DTNB: variants seen among roughly 807,000 people sequenced by gnomAD.
DTNB encodes DTN-B.
A neutral mutation model predicts 90.7 loss-of-function variants in DTNB; 63 were observed. The ratio of observed to expected loss-of-function variants is 0.69; its 90% CI spans 0.57 to 0.86. DTNB has a LOEUF of 0.86. DTNB is among the 40% of genes least tolerant of loss of function. The probability of loss-of-function intolerance (pLI) is 0.00; values close to 1 mark genes in which losing one functional copy is unlikely to be tolerated. For synonymous variants in DTNB, 277 were observed against 286.7 expected, an observed-to-expected ratio of 0.97 and a Z score of 0.34; for missense variants, 744 against 807.1, an observed-to-expected ratio of 0.92 and a Z score of 0.95.
At chr2:25,508,533 C>CTT (rs557156231) in intron 9 of DTNB, among the ~76,000 whole-genome samples, 4 of 112,698 alleles carry the variant, frequency 3.5e-5, no homozygotes, top group African/African-American at 8.5e-5. Context: ...GAGTTTCGCT[C>CTT]TTTGTTTTTT....
intron 9 of DTNB, among the ~76,000 whole-genome samples, chr2:25,526,395 A>ATATATATATATATTTTTTTTT: frequency 8.0e-5 from 4 of 49,824 alleles, no homozygotes; most frequent in African/African-American, 3.9e-4. Context: ...ATATATATAT[A>ATATATATATATATTTTTTTTT]TTTTTTTTTT....
At chr2:25,587,140 T>C (rs1396752644) in intron 6 of DTNB, among the ~76,000 whole-genome samples, 1 of 152,150 alleles carries the variant, frequency 6.6e-6, no homozygotes, top group Admixed American at 6.5e-5. Flanking sequence ...TAGACTGTGG[T>C]TCGACTGCTG....
intron 4 of DTNB, among the ~76,000 whole-genome samples, chr2:25,612,344 A>G: frequency 6.6e-6 from 1 of 152,140 alleles, no homozygotes; most frequent in South Asian, 2.1e-4. Context: ...GCATATGTAT[A>G]AACTATATGT....
At position 25,392,266 on chromosome 2, in the gene DTNB, A is replaced by G. The variant is rs1023393133; in HGVS notation, c.1576-3905T>C. Among the ~76,000 whole-genome samples, 5 of 151,998 alleles carry G rather than the reference A, an allele frequency of 3.3e-5. No homozygotes were observed. The East Asian group carries it at 7.7e-4, about 23-fold the overall frequency. On this transcript the variant is annotated intron_variant, in intron 16 of 20. Coordinates refer to ENST00000406818, the MANE Select transcript of DTNB (RefSeq NM_021907.5). ...TCCACTGAAAAAAACAAAAATTAAC[A>G]GGGTGTGGTGGCACGCACCTGTAAT... is the stretch of plus-strand genomic sequence containing the variant.
chr2:25,582,263 C>A (rs2061666805), intron 6 of DTNB, among the ~76,000 whole-genome samples: 1 of 151,926 alleles, frequency 6.6e-6, no homozygotes, highest in Non-Finnish European at 1.5e-5. Context: ...GGACGGAGGC[C>A]CCCAGGGATG....
At chr2:25,432,840 T>C (rs1558502324) in intron 14 of DTNB, 46 bp downstream of exon 14, 2 of 1,540,198 alleles carry the variant, frequency 1.3e-6, no homozygotes, top group Admixed American at 1.9e-5. Flanking sequence ...ATAAGTTCCA[T>C]CCATAGTAGA....
At position 25,531,331 on chromosome 2, in the gene DTNB, G is replaced by A. The variant is rs180671473; in HGVS notation, c.1001+142C>T. 2,868 of 1,315,154 alleles carry A rather than the reference G, an allele frequency of 2.2e-3. 15 individuals carry two copies. The highest frequency in any genetic ancestry group is 3.0e-3 in the Middle Eastern group (11 of 3,690). 81.5% of individuals were successfully genotyped at this position (1,315,154 alleles called of 1,614,324 possible). A position where few individuals can be genotyped will look rare whatever the true frequency, so the allele number is the denominator to read the frequency against. On this transcript the variant is annotated intron_variant, in intron 9 of 20. Coordinates refer to ENST00000406818, the MANE Select transcript of DTNB (RefSeq NM_021907.5). ...CGGTGATTTACAGAGAAGAAAGCTT[G>A]AAGTCTTAAGTTCCCACAAAAGAAA...
intron 8 of DTNB, among the ~76,000 whole-genome samples, chr2:25,554,208 A>G (rs1225432019): frequency 6.6e-6 from 1 of 152,230 alleles, no homozygotes; most frequent in Non-Finnish European, 1.5e-5. Context: ...GCTGTCATCA[A>G]TTTAGCCTGG....
intron 8 of DTNB, among the ~76,000 whole-genome samples, chr2:25,534,777 C>CT (rs1412164706): frequency 6.8e-6 from 1 of 146,684 alleles, no homozygotes; most frequent in African/African-American, 2.5e-5. Flanking sequence ...ACCTCCCAGA[C>CT]AGGGTGGCCG....
intron 8 of DTNB, among the ~76,000 whole-genome samples, chr2:25,533,742 C>T (rs2078737301): frequency 1.3e-5 from 2 of 152,166 alleles, no homozygotes; most frequent in Non-Finnish European, 2.9e-5. Context: ...CCCAGGTCTC[C>T]CTTTCCCAAT....
chr2:25,429,055 A>T (rs775791231), intron 14 of DTNB, among the ~76,000 whole-genome samples: 128 of 152,330 alleles, frequency 8.4e-4, no homozygotes, highest in Non-Finnish European at 1.5e-3. Flanking sequence ...CTATCACAGC[A>T]GCCGCTAGCC....
intron 16 of DTNB, among the ~76,000 whole-genome samples, chr2:25,389,928 T>C (rs1216063039): frequency 1.3e-5 from 2 of 151,912 alleles, no homozygotes; most frequent in African/African-American, 2.4e-5. Context: ...AACTAAAAAG[T>C]ACAACATAAT....
chr2:25,387,993 G>C lies in DTNB; in HGVS notation c.1735+209C>G, dbSNP rs1478096301. Among the ~76,000 whole-genome samples, 2 of 152,242 alleles carry C rather than the reference G, an allele frequency of 1.3e-5. No homozygotes were observed. Among genetic ancestry groups the C allele is most frequent in the Non-Finnish European group, 2.9e-5 (2 of 68,044 alleles). ...AGAGAACCCCAGGAGGCCTGTTCTT[G>C]GCACACATAGGAAGCCTGCAGCCCT... On this transcript the variant is annotated intron_variant, in intron 17 of 20. Coordinates refer to ENST00000406818, the MANE Select transcript of DTNB (RefSeq NM_021907.5). This position sits in a 1 kb window ranked among gnomAD's most constrained non-coding sequence, Gnocchi z 4.5.
At chr2:25,443,798 A>AAAGCC (rs1188963305) in intron 12 of DTNB, among the ~76,000 whole-genome samples, 4 of 152,262 alleles carry the variant, frequency 2.6e-5, no homozygotes, top group African/African-American at 9.6e-5. Context: ...GGTCTGAGGC[A>AAAGCC]AAGCCAAGGA....
At chr2:25,623,018 C>T (rs2073151629) in intron 4 of DTNB, among the ~76,000 whole-genome samples, 1 of 151,704 alleles carries the variant, frequency 6.6e-6, no homozygotes, top group Admixed American at 6.6e-5. Flanking sequence ...CAAAAGGAAA[C>T]AAAGTTAAAG....
chr2:25,625,868 T>C (rs2074035114), intron 4 of DTNB, among the ~76,000 whole-genome samples: 1 of 152,132 alleles, frequency 6.6e-6, no homozygotes, highest in Non-Finnish European at 1.5e-5. Context: ...CTTCTGAAGA[T>C]AATTAGGTCA....
At chr2:25,421,901 T>A (rs1462585858) in intron 15 of DTNB, among the ~76,000 whole-genome samples, 1 of 152,208 alleles carries the variant, frequency 6.6e-6, no homozygotes, top group African/African-American at 2.4e-5. Flanking sequence ...CTGGGGACAG[T>A]GGGCAGGGCA....
At chr2:25,480,669 G>A (rs1486757207) in intron 10 of DTNB, among the ~76,000 whole-genome samples, 1 of 152,186 alleles carries the variant, frequency 6.6e-6, no homozygotes, top group Non-Finnish European at 1.5e-5. Context: ...GTGACTTAGC[G>A]TGACAGAACT....
chr2:25,547,236 A>AT (rs1283097466), intron 8 of DTNB, among the ~76,000 whole-genome samples: 3 of 150,362 alleles, frequency 2.0e-5, no homozygotes, highest in Non-Finnish European at 4.4e-5. Context: ...AAATTTACTA[A>AT]TTTTTTAATG....
Sources: gnomAD v4.1 joint callset for allele counts (sites outside exome capture counted in the v4.1 genomes callset) on GRCh38, gnomAD v4.1.1 for gene constraint, Gnocchi (gnomAD v3.1) non-coding constraint, MANE v1.5 for transcripts, NCBI Gene and HGNC (gene_info 2026-07-23, HGNC 2026-07-21) for gene names.